ATP6V0A2: variants seen among roughly 807,000 people sequenced by gnomAD.
ATP6V0A2 encodes the protein ATPase H+ transporting V0 subunit a2, also known as V-type proton ATPase 116 kDa subunit a 2.
In ATP6V0A2, 58 loss-of-function variants were observed where a neutral mutation model predicts 104.4. The ratio of observed to expected loss-of-function variants is 0.56; its 90% CI spans 0.45 to 0.69. The LOEUF (loss-of-function observed/expected upper bound fraction) is 0.69, where lower values mean the gene tolerates loss of function less well. ATP6V0A2 is among the 30% of genes least tolerant of loss of function. ATP6V0A2 has a pLI of 0.00. For synonymous variants in ATP6V0A2, 376 were observed against 397.9 expected, an observed-to-expected ratio of 0.95 and a Z score of 0.65; for missense variants, 938 against 1,062.9, an observed-to-expected ratio of 0.88 and a Z score of 1.63.
chr12:123,743,263 C>T (rs1956626345), intron 9 of ATP6V0A2, among the ~76,000 whole-genome samples: 1 of 152,214 alleles, frequency 6.6e-6, no homozygotes. Context: ...CCCCTGATTC[C>T]TCACAGATGG....
chr12:123,741,545 C>T (rs998676250), intron 9 of ATP6V0A2, among the ~76,000 whole-genome samples: 1 of 152,204 alleles, frequency 6.6e-6, no homozygotes, highest in African/African-American at 2.4e-5. Context: ...AAGCAATCCT[C>T]CCGTCTCGTC....
At chr12:123,713,796 C>T (rs1251968307) in intron 1 of ATP6V0A2, among the ~76,000 whole-genome samples, 5 of 152,198 alleles carry the variant, frequency 3.3e-5, no homozygotes, top group Admixed American at 6.5e-5. Flanking sequence ...ACTTTCATCT[C>T]CTGACTGTTT....
intron 19 of ATP6V0A2, 21 bp from the exon 20 acceptor site, chr12:123,757,906 C>T: frequency 2.2e-6 from 3 of 1,358,188 alleles, no homozygotes; most frequent in Non-Finnish European, 3.1e-6. Context: ...TCCATTAATA[C>T]ATGGCTTTTT....
At chr12:123,755,467 C>T (rs373205804) in intron 18 of ATP6V0A2, among the ~76,000 whole-genome samples, 2 of 147,168 alleles carry the variant, frequency 1.4e-5, no homozygotes, top group Non-Finnish European at 3.0e-5. Context: ...ACTTAGGAGG[C>T]GGAGGTTGCA....
chr12:123,732,628 C>G (rs1256460340), intron 6 of ATP6V0A2: 1 of 101,338 alleles, frequency 9.9e-6, no homozygotes, highest in African/African-American at 3.3e-5. Flanking sequence ...TCCTCACCTC[C>G]TGCATTTTTT....
chr12:123,731,501 C>T (rs2135895147), intron 6 of ATP6V0A2: 1 of 152,350 alleles, frequency 6.6e-6, no homozygotes, highest in East Asian at 1.9e-4. Flanking sequence ...TTTCTTCTGC[C>T]TTGTGCCTTA....
At chr12:123,730,257 G>T (rs1341578191) in intron 6 of ATP6V0A2, among the ~76,000 whole-genome samples, 1 of 151,832 alleles carries the variant, frequency 6.6e-6, no homozygotes, top group East Asian at 1.9e-4. Context: ...GGGTTTCACT[G>T]TGTTAGCCAG....
intron 17 of ATP6V0A2, among the ~76,000 whole-genome samples, chr12:123,752,644 A>G (rs534680225): frequency 2.6e-5 from 4 of 152,296 alleles, no homozygotes; most frequent in African/African-American, 9.6e-5. Flanking sequence ...CTGTTATATT[A>G]AGAGTTATGA....
intron 7 of ATP6V0A2, among the ~76,000 whole-genome samples, chr12:123,735,074 G>A (rs1453054466): frequency 6.6e-6 from 1 of 152,122 alleles, no homozygotes; most frequent in Non-Finnish European, 1.5e-5. Flanking sequence ...CCGAGTGGCT[G>A]AGTGGCCCTG....
chr12:123,718,986 T>G (rs1038459230), intron 2 of ATP6V0A2, among the ~76,000 whole-genome samples: 3 of 152,226 alleles, frequency 2.0e-5, no homozygotes, highest in African/African-American at 7.2e-5. Flanking sequence ...TCAGTAGACA[T>G]AGATATTTAC....
intron 3 of ATP6V0A2, 174 bp from the exon 4 acceptor site, chr12:123,724,480 G>T: frequency 1.8e-6 from 1 of 558,702 alleles, no homozygotes; most frequent in South Asian, 1.8e-5. Flanking sequence ...AGTGAGCCGA[G>T]ATCATGCCAC....
intron 6 of ATP6V0A2, among the ~76,000 whole-genome samples, chr12:123,729,338 G>C (rs1483381940): frequency 4.4e-5 from 1 of 22,616 alleles, no homozygotes; most frequent in Non-Finnish European, 9.0e-5. Context: ...TTTTTTGAGT[G>C]CAAATCTTGG....
At chr12:123,731,907 A>G (rs531617203) in intron 6 of ATP6V0A2, 1 of 152,208 alleles carries the variant, frequency 6.6e-6, no homozygotes, top group South Asian at 2.1e-4. Context: ...CCAGGGCTCA[A>G]TTTTTGGACA....
At chr12:123,752,177 C>T (rs938643877) in intron 16 of ATP6V0A2, 106 bp from the exon 17 acceptor site, 4 of 1,507,750 alleles carry the variant, frequency 2.7e-6, no homozygotes, top group Non-Finnish European at 3.7e-6. Flanking sequence ...CTTTTTTATT[C>T]TCAAAGAGCT....
At chr12:123,729,229 T>C (rs1234213675) in intron 6 of ATP6V0A2, among the ~76,000 whole-genome samples, 1 of 152,178 alleles carries the variant, frequency 6.6e-6, no homozygotes, top group African/African-American at 2.4e-5. Context: ...TTCCCATCAC[T>C]TTTTGAGCAC....
At chr12:123,750,956 A>G in intron 15 of ATP6V0A2, 154 bp from the exon 16 acceptor site, 2 of 992,028 alleles carry the variant, frequency 2.0e-6, no homozygotes, top group Non-Finnish European at 3.1e-6. Context: ...AGTTTAGGAA[A>G]AGAAAACCCG....
intron 3 of ATP6V0A2, among the ~76,000 whole-genome samples, chr12:123,722,737 A>G (rs2135885150): frequency 6.6e-6 from 1 of 152,284 alleles, no homozygotes; most frequent in East Asian, 1.9e-4. Flanking sequence ...AGCCTGATTG[A>G]TGGATCAGAA....
At position 123,760,807 on chromosome 12, in the gene ATP6V0A2, C is replaced by T. The variant is rs1259353500; in HGVS notation, c.*2775C>T. 6.6e-6 allele frequency: 1 copy of T among 152,198 alleles called. No homozygotes were observed. Among genetic ancestry groups the T allele is most frequent in the African/African-American group, 2.4e-5 (1 of 41,450 alleles). 9.4% of individuals were successfully genotyped at this position (152,198 alleles called of 1,614,324 possible). On this transcript the variant is annotated 3_prime_UTR_variant, in exon 20 of 20. Coordinates refer to ENST00000330342, the MANE Select transcript of ATP6V0A2 (RefSeq NM_012463.4). ...TGCGGACTTTCCAGCAGCGAAAGGA[C>T]TTGGAACTCCTCTTTCGCTGAATGC... is the stretch of plus-strand genomic sequence containing the variant.
At chr12:123,735,978 T>C (rs1388395926) in intron 8 of ATP6V0A2, among the ~76,000 whole-genome samples, 1 of 152,066 alleles carries the variant, frequency 6.6e-6, no homozygotes, top group Admixed American at 6.6e-5. Flanking sequence ...GTTCAAGCGA[T>C]TCTCCTGCCT....
Sources: allele counts gnomAD v4.1 joint callset (sites outside exome capture counted in the v4.1 genomes callset), GRCh38; gene constraint gnomAD v4.1.1; transcripts MANE v1.5; gene names NCBI Gene and HGNC (gene_info 2026-07-23, HGNC 2026-07-21).